The following DAPP1 variants were observed in gnomAD, a reference collection of about 807,000 sequenced individuals.
DAPP1 encodes dual adaptor of phosphotyrosine and 3-phosphoinositides 1.
A neutral mutation model predicts 41.5 loss-of-function variants in DAPP1; 20 were observed. The observed-to-expected ratio is 0.48, with a 90% CI of 0.34 to 0.70. DAPP1 has a LOEUF of 0.70. Among genes scored for constraint, DAPP1 ranks in the 30% least tolerant of loss-of-function variants. The probability of loss-of-function intolerance (pLI) is 0.01; values close to 1 mark genes in which losing one functional copy is unlikely to be tolerated. For synonymous variants in DAPP1, 113 were observed against 116.2 expected, an observed-to-expected ratio of 0.97 and a Z score of 0.18; for missense variants, 233 against 333.4, an observed-to-expected ratio of 0.70 and a Z score of 2.35.
At chr4:99,829,162 A>C (rs1179580802) in intron 1 of DAPP1, among the ~76,000 whole-genome samples, 1 of 152,146 alleles carries the variant, frequency 6.6e-6, no homozygotes, top group Non-Finnish European at 1.5e-5. Context: ...TAAAAGAAGA[A>C]AATTTTTCCA....
At chr4:99,836,818 G>T (rs1439166070) in intron 2 of DAPP1, among the ~76,000 whole-genome samples, 1 of 152,220 alleles carries the variant, frequency 6.6e-6, no homozygotes, top group South Asian at 2.1e-4. Flanking sequence ...ACAGTTTCTG[G>T]CTGGATTCTC....
intron 4 of DAPP1, among the ~76,000 whole-genome samples, chr4:99,857,780 T>A (rs1489118573): frequency 2.6e-5 from 4 of 152,034 alleles, no homozygotes; most frequent in African/African-American, 9.7e-5. Flanking sequence ...TATTCTTGTT[T>A]AATTAACTAT....
At chr4:99,847,037 C>A (rs1484311711) in intron 3 of DAPP1, among the ~76,000 whole-genome samples, 1 of 152,108 alleles carries the variant, frequency 6.6e-6, no homozygotes, top group African/African-American at 2.4e-5. Context: ...AACCTGAGGG[C>A]AGTAATGAAA....
chr4:99,853,497 C>A, intron 4 of DAPP1, 149 bp downstream of exon 4: 1 of 1,096,012 alleles, frequency 9.1e-7, no homozygotes, highest in Non-Finnish European at 1.3e-6. Flanking sequence ...AAGCCTATGA[C>A]TCAGTTCATC....
intron 4 of DAPP1, 94 bp from the exon 5 acceptor site, chr4:99,861,484 G>A: frequency 7.6e-7 from 1 of 1,313,218 alleles, no homozygotes; most frequent in Non-Finnish European, 1.1e-6. Flanking sequence ...AAGATCAAAA[G>A]CAAACATTCT....
chr4:99,853,495 G>C, intron 4 of DAPP1, 147 bp downstream of exon 4: 1 of 1,151,548 alleles, frequency 8.7e-7, no homozygotes. Context: ...TGAAGCCTAT[G>C]ACTCAGTTCA....
intron 2 of DAPP1, among the ~76,000 whole-genome samples, chr4:99,836,211 C>A (rs1223513616): frequency 2.6e-5 from 4 of 152,182 alleles, no homozygotes; most frequent in African/African-American, 7.2e-5. Flanking sequence ...AGTGGGCTAG[C>A]TTTTCATATT....
At chr4:99,862,901 T>C in intron 5 of DAPP1, 109 bp from the exon 6 acceptor site, 1 of 818,534 alleles carries the variant, frequency 1.2e-6, no homozygotes, top group Non-Finnish European at 1.8e-6. Context: ...TAGTATTTAA[T>C]TTTTTAGATA....
chr4:99,861,471 T>G, intron 4 of DAPP1, 107 bp from the exon 5 acceptor site: 1 of 1,214,236 alleles, frequency 8.2e-7, no homozygotes, highest in Non-Finnish European at 1.2e-6. Flanking sequence ...AGACAGTAAT[T>G]TAAAGATCAA....
At chr4:99,817,142 T>C in intron 1 of DAPP1, 128 bp downstream of exon 1, 2 of 607,972 alleles carry the variant, frequency 3.3e-6, no homozygotes, top group Non-Finnish European at 2.8e-6. Flanking sequence ...CCATTTATTT[T>C]TTTCCACTTT....
At chr4:99,855,350 T>C (rs902458242) in intron 4 of DAPP1, among the ~76,000 whole-genome samples, 2 of 152,246 alleles carry the variant, frequency 1.3e-5, no homozygotes, top group Admixed American at 6.5e-5. Flanking sequence ...ATTAAGCGTG[T>C]TCTTTATCGG....
At chr4:99,819,254 A>G (rs1722689457) in intron 1 of DAPP1, among the ~76,000 whole-genome samples, 1 of 152,214 alleles carries the variant, frequency 6.6e-6, no homozygotes. Flanking sequence ...CCTCAGATGT[A>G]TGGCTTATTT....
At chr4:99,839,882 C>T (rs1723436724) in intron 2 of DAPP1, among the ~76,000 whole-genome samples, 1 of 152,082 alleles carries the variant, frequency 6.6e-6, no homozygotes, top group Non-Finnish European at 1.5e-5. Context: ...GCCAACATGG[C>T]AAAACCCAGT....
intron 2 of DAPP1, among the ~76,000 whole-genome samples, chr4:99,837,854 TC>T (rs1232533770): frequency 4.0e-5 from 6 of 151,756 alleles, no homozygotes; most frequent in African/African-American, 1.5e-4. Flanking sequence ...TACTAGATGG[TC>T]CCATCTGGGG....
downstream of DAPP1, among the ~76,000 whole-genome samples, chr4:99,872,019 A>C (rs574806149): frequency 1.1e-4 from 17 of 152,344 alleles, no homozygotes; most frequent in African/African-American, 3.8e-4. Context: ...GTGGGGCATA[A>C]TCATCCCAGA....
intron 1 of DAPP1, among the ~76,000 whole-genome samples, chr4:99,830,928 T>A (rs1016710061): frequency 3.9e-5 from 6 of 152,218 alleles, no homozygotes; most frequent in Non-Finnish European, 8.8e-5. Flanking sequence ...AATTAGCTAT[T>A]TTCTTTTTTT....
chr4:99,867,724 CAAACA>C (rs1724509820), intron 8 of DAPP1, among the ~76,000 whole-genome samples: 1 of 152,100 alleles, frequency 6.6e-6, no homozygotes, highest in African/African-American at 2.4e-5. Flanking sequence ...ATACAAACTC[CAAACA>C]AAACAAATCA....
chr4:99,850,579 C>A (rs1723819911), intron 3 of DAPP1, among the ~76,000 whole-genome samples: 1 of 152,098 alleles, frequency 6.6e-6, no homozygotes, highest in African/African-American at 2.4e-5. Flanking sequence ...TATAAGAGTT[C>A]AAAATGTATC....
At chr4:99,839,407 G>T (rs976143221) in intron 2 of DAPP1, among the ~76,000 whole-genome samples, 3 of 148,092 alleles carry the variant, frequency 2.0e-5, no homozygotes, top group African/African-American at 4.9e-5. Flanking sequence ...GATATCTATA[G>T]ATATATATAT....
Sources: allele counts gnomAD v4.1 joint callset (sites outside exome capture counted in the v4.1 genomes callset), GRCh38; gene constraint gnomAD v4.1.1; transcripts MANE v1.5; gene names NCBI Gene and HGNC (gene_info 2026-07-23, HGNC 2026-07-21).